The following PPP2R2A variants were observed in gnomAD, a reference collection of about 807,000 sequenced individuals.
The protein encoded by PPP2R2A is serine/threonine-protein phosphatase 2A 55 kDa regulatory subunit B alpha isoform.
In PPP2R2A, 9 loss-of-function variants were observed where a neutral mutation model predicts 53.2. That is an observed-to-expected ratio of 0.17 (90% CI 0.10 to 0.30). The LOEUF (loss-of-function observed/expected upper bound fraction) is 0.30, where lower values mean the gene tolerates loss of function less well. Among genes scored for constraint, PPP2R2A ranks in the 10% least tolerant of loss-of-function variants. PPP2R2A has a pLI of 1.00. For missense variants in PPP2R2A, 235 were observed against 534.6 expected, an observed-to-expected ratio of 0.44 and a Z score of 5.53; for synonymous variants, 169 against 174.2, an observed-to-expected ratio of 0.97 and a Z score of 0.23.
chr8:26,324,834 C>T (rs760608990), intron 2 of PPP2R2A, among the ~76,000 whole-genome samples: 6 of 152,096 alleles, frequency 3.9e-5, no homozygotes, highest in Non-Finnish European at 5.9e-5. Flanking sequence ...CGTCTTGCAT[C>T]AGCATGACCT....
chr8:26,335,155 G>A lies in PPP2R2A; in HGVS notation c.83-3735G>A, dbSNP rs545940833. On this transcript the variant is annotated intron_variant, in intron 2 of 9. Coordinates refer to ENST00000380737, the MANE Select transcript of PPP2R2A (RefSeq NM_002717.4). ...ACATACGGTACAAAGCTGCTTCAGC[G>A]TGCTCCCTATAACTCATTCCTGGAT... Among the ~76,000 whole-genome samples, 11 of 152,184 alleles carry A rather than the reference G, an allele frequency of 7.2e-5. 1 individual carries two copies. The highest frequency in any genetic ancestry group is 1.3e-4 in the Non-Finnish European group (9 of 68,042).
At chr8:26,324,984 A>G (rs888667478) in intron 2 of PPP2R2A, among the ~76,000 whole-genome samples, 2 of 149,448 alleles carry the variant, frequency 1.3e-5, no homozygotes, top group Non-Finnish European at 3.0e-5. Flanking sequence ...TATTTACTCA[A>G]TATCTGTACC....
At chr8:26,302,885 T>C (rs1161513278) in intron 2 of PPP2R2A, among the ~76,000 whole-genome samples, 1 of 152,224 alleles carries the variant, frequency 6.6e-6, no homozygotes, top group African/African-American at 2.4e-5. Context: ...ATTACTATTT[T>C]ACAATGAAGA....
At position 26,361,025 on chromosome 8, in the gene PPP2R2A, A is replaced by G; in HGVS notation, c.511A>G (p.Ile171Val). ...DLMVEASPRR[I>V]FANAHTYHIN... The stretch of plus-strand genomic sequence containing the variant: ...AATGGTTGAGGCCAGTCCACGAAGA[A>G]TATTTGCCAATGCTCATACATATCA... Residue 171 changes from isoleucine to valine, a missense_variant, in exon 6 of 10, where the codon ATA becomes GTA. Transcript: ENST00000380737. 5.6e-6 allele frequency: 9 copies of G among 1,608,172 alleles called. No individual in the cohort carries two copies. The highest frequency in any genetic ancestry group is 6.8e-6 in the Non-Finnish European group (8 of 1,178,950).
At chr8:26,337,473 A>T (rs1462569853) in intron 2 of PPP2R2A, among the ~76,000 whole-genome samples, 1 of 152,164 alleles carries the variant, frequency 6.6e-6, no homozygotes, top group African/African-American at 2.4e-5. Context: ...CCCCAGTTGT[A>T]CTCTAATGTG....
At chr8:26,357,319 C>G (rs996186186) in intron 4 of PPP2R2A, among the ~76,000 whole-genome samples, 1 of 128,372 alleles carries the variant, frequency 7.8e-6, no homozygotes. Context: ...TATATAAAAA[C>G]TATATCTGTG....
At chr8:26,295,915 C>A (rs1801521728) in intron 2 of PPP2R2A, among the ~76,000 whole-genome samples, 1 of 152,110 alleles carries the variant, frequency 6.6e-6, no homozygotes, top group Non-Finnish European at 1.5e-5. Context: ...ATTCCCCACC[C>A]CCCTACCTTT....
At position 26,362,084 on chromosome 8, in the gene PPP2R2A, ATAAT is replaced by A. The variant is rs1240498962; in HGVS notation, c.638-597_638-594del. ...TAATTTTAAGATTAGAAAAAGATTA[ATAAT>A]TAGATTAGATTAGAAAAAGATTAGA... is the stretch of plus-strand genomic sequence containing the variant. On this transcript the variant is annotated intron_variant, in intron 6 of 9. Coordinates refer to ENST00000380737, the MANE Select transcript of PPP2R2A (RefSeq NM_002717.4). The surrounding 1 kb of genome is among the most constrained non-coding windows in gnomAD (Gnocchi z 4.4). 1.3e-4 allele frequency among the ~76,000 whole-genome samples: 20 copies of A among 150,932 alleles called. No homozygotes were observed. In the East Asian group the frequency reaches 3.3e-3, roughly 25 times the overall value.
At chr8:26,366,554 T>C in intron 9 of PPP2R2A, 148 bp downstream of exon 9, 1 of 486,412 alleles carries the variant, frequency 2.1e-6, no homozygotes. Flanking sequence ...GATAAAAAAT[T>C]AAAGCATTGT....
intron 1 of PPP2R2A, 59 bp downstream of exon 1, chr8:26,291,885 A>G: frequency 1.9e-6 from 3 of 1,584,000 alleles, no homozygotes; most frequent in East Asian, 4.7e-5. Context: ...TCCTCCCTCC[A>G]TCACCCCCTA....
At chr8:26,292,818 C>T (rs1043051351) in intron 1 of PPP2R2A, among the ~76,000 whole-genome samples, 1 of 152,144 alleles carries the variant, frequency 6.6e-6, no homozygotes, top group Non-Finnish European at 1.5e-5. Flanking sequence ...TCAATCATTT[C>T]GACCTCAGTA....
At chr8:26,304,057 C>T (rs1004972545) in intron 2 of PPP2R2A, among the ~76,000 whole-genome samples, 5 of 152,202 alleles carry the variant, frequency 3.3e-5, no homozygotes, top group African/African-American at 7.2e-5. Context: ...AGAACTTCTG[C>T]TCTAATCTTG....
chr8:26,363,932 C>T, intron 8 of PPP2R2A, 42 bp downstream of exon 8: 1 of 1,488,912 alleles, frequency 6.7e-7, no homozygotes, highest in Non-Finnish European at 9.1e-7. Context: ...ACCCTGTTTA[C>T]TTTGAAGTGT....
chr8:26,353,195 A>G (rs976907849), intron 3 of PPP2R2A, among the ~76,000 whole-genome samples: 1 of 152,186 alleles, frequency 6.6e-6, no homozygotes, highest in African/African-American at 2.4e-5. Flanking sequence ...GGGTATGGTG[A>G]TGAGACCAAG....
chr8:26,370,516 C>G lies in PPP2R2A; in HGVS notation c.*103C>G. The G allele has an allele frequency of 7.4e-7, 1 of 1,345,472 alleles. No individual in the cohort carries two copies. Among genetic ancestry groups the G allele is most frequent in the Non-Finnish European group, 1.0e-6 (1 of 974,008 alleles). The allele number at this position is 1,345,472 out of a possible 1,614,324, so 83.3% of individuals were successfully genotyped here. A position where few individuals can be genotyped will look rare whatever the true frequency, so the allele number is the denominator to read the frequency against. On this transcript the variant is annotated 3_prime_UTR_variant, in exon 10 of 10. Transcript: ENST00000380737. This position sits in a 1 kb window ranked among gnomAD's most constrained non-coding sequence, Gnocchi z 6.1. Reference sequence around the variant, plus strand: ...GAGAGGTCCATTGTGGCGCCCCTTTCCAGTGTTTGACAGTGTGCCATTCGA... The same window carrying G: ...GAGAGGTCCATTGTGGCGCCCCTTTGCAGTGTTTGACAGTGTGCCATTCGA...
chr8:26,364,406 G>A (rs952551791), intron 8 of PPP2R2A, among the ~76,000 whole-genome samples: 10 of 152,254 alleles, frequency 6.6e-5, no homozygotes, highest in Middle Eastern at 3.4e-3. Flanking sequence ...TTGCCTATCC[G>A]TTGTTGGATG....
At chr8:26,301,991 A>G (rs1313237188) in intron 2 of PPP2R2A, among the ~76,000 whole-genome samples, 2 of 152,226 alleles carry the variant, frequency 1.3e-5, no homozygotes, top group Non-Finnish European at 2.9e-5. Context: ...TTAAATTTCT[A>G]CTTGAACACA....
chr8:26,344,206 C>T (rs925153061), intron 3 of PPP2R2A, among the ~76,000 whole-genome samples: 8 of 152,148 alleles, frequency 5.3e-5, no homozygotes, highest in Non-Finnish European at 1.0e-4. Context: ...ACTTAATCAT[C>T]ACAGCAAAAT....
intron 2 of PPP2R2A, among the ~76,000 whole-genome samples, chr8:26,329,211 A>G (rs570232543): frequency 6.6e-6 from 1 of 152,248 alleles, no homozygotes; most frequent in African/African-American, 2.4e-5. Flanking sequence ...TATGGTCTTT[A>G]TAATTTGATT....
Sources: allele counts gnomAD v4.1 joint callset (sites outside exome capture counted in the v4.1 genomes callset), GRCh38; gene constraint gnomAD v4.1.1; non-coding constraint Gnocchi (gnomAD v3.1); transcripts MANE v1.5; gene names NCBI Gene and HGNC (gene_info 2026-07-23, HGNC 2026-07-21).